Variants in GRIN2B observed in about 807,000 individuals in gnomAD.
GRIN2B encodes the protein glutamate ionotropic receptor NMDA type subunit 2B, also known as glutamate receptor ionotropic, NMDA 2B.
GRIN2B carries 5 observed loss-of-function variants against 114.5 expected under a neutral mutation model. That is an observed-to-expected ratio of 0.04 (90% CI 0.02 to 0.09). The LOEUF (loss-of-function observed/expected upper bound fraction) is 0.09. Among genes scored for constraint, GRIN2B ranks in the 10% least tolerant of loss-of-function variants. The pLI is 1.00. For synonymous variants in GRIN2B, 787 were observed against 745.1 expected, an observed-to-expected ratio of 1.06 and a Z score of -0.92; for missense variants, 1,108 against 1,943.5, an observed-to-expected ratio of 0.57 and a Z score of 8.08.
intron 2 of GRIN2B, among the ~76,000 whole-genome samples, chr12:13,906,555 G>T (rs1306917086): frequency 6.6e-6 from 1 of 152,202 alleles, no homozygotes; most frequent in African/African-American, 2.4e-5. Context: ...TGTAGGTAGT[G>T]TATGTCTCCT....
rs956121249 is a variant in GRIN2B at position 13,558,191 on chromosome 12, T to C, written c.*4592A>G. 5.9e-5 allele frequency: 9 copies of C among 152,316 alleles called. No homozygotes were observed. In the South Asian group the frequency reaches 1.0e-3, roughly 18 times the overall value. The allele number at this position is 152,316 out of a possible 1,614,324, so 9.4% of individuals were successfully genotyped here. ...GCCTACTGAGCATGTATTTCCTATA[T>C]GGCTTTGGGCTCAGAGAGCACATAA... is the stretch of plus-strand genomic sequence containing the variant. On this transcript the variant is annotated 3_prime_UTR_variant, in exon 14 of 14. Transcript: ENST00000609686.
chr12:13,907,943 T>A (rs561951718), intron 2 of GRIN2B, among the ~76,000 whole-genome samples: 1 of 152,306 alleles, frequency 6.6e-6, no homozygotes, highest in African/African-American at 2.4e-5. Flanking sequence ...CTAAGTGCCT[T>A]AATTGGAAAT....
At chr12:13,915,403 A>C (rs780345669) in intron 2 of GRIN2B, among the ~76,000 whole-genome samples, 11 of 152,186 alleles carry the variant, frequency 7.2e-5, no homozygotes, top group Non-Finnish European at 1.5e-4. Context: ...GGCCACAGGC[A>C]GGCCAAAACC....
At position 13,858,190 on chromosome 12, in the gene GRIN2B, A is replaced by G. The variant is rs1865695499; in HGVS notation, c.411+7608T>C. On this transcript the variant is annotated intron_variant, in intron 3 of 13. Coordinates refer to ENST00000609686, the MANE Select transcript of GRIN2B (RefSeq NM_000834.5). The stretch of plus-strand genomic sequence containing the variant: ...ATGAAAACATTAAATGAGATAAAAT[A>G]TATAAGATGACTAGCTCATATAAAG... Among the ~76,000 whole-genome samples, 5 of 152,252 alleles carry G rather than the reference A, an allele frequency of 3.3e-5. No homozygotes were observed. In the South Asian group the frequency reaches 8.3e-4, roughly 25 times the overall value.
At chr12:13,935,343 C>G (rs1269015043) in intron 2 of GRIN2B, among the ~76,000 whole-genome samples, 1 of 152,168 alleles carries the variant, frequency 6.6e-6, no homozygotes, top group South Asian at 2.1e-4. Context: ...CATGACCACA[C>G]CTTCTTTTGG....
In GRIN2B at chr12:13,567,059, G is replaced by A. The variant is rs1254733026; in HGVS notation, c.2564C>T (p.Ser855Phe). 2 of 1,613,938 alleles carry A rather than the reference G, an allele frequency of 1.2e-6. No homozygotes were observed. Among genetic ancestry groups the A allele is most frequent in the Admixed American group, 1.7e-5 (1 of 60,020 alleles). Residue 855 changes from serine to phenylalanine, a missense_variant, in exon 13 of 14, where the codon TCT (serine) becomes TTT (phenylalanine). Transcript: ENST00000609686. ...QFRHCFMGVC[S>F]GKPGMVFSIS... ...GGAGAAGACCATGCCAGGCTTGCCA[G>A]AACAGACACCCATAAAGCAATGTCG... is the stretch of plus-strand genomic sequence containing the variant.
At chr12:13,969,345 T>C (rs1414522454) in intron 2 of GRIN2B, among the ~76,000 whole-genome samples, 1 of 152,242 alleles carries the variant, frequency 6.6e-6, no homozygotes, top group African/African-American at 2.4e-5. Context: ...CAACTCTATA[T>C]AATTTAAAGA....
At chr12:13,602,957 C>T (rs1949182459) in intron 10 of GRIN2B, among the ~76,000 whole-genome samples, 2 of 152,136 alleles carry the variant, frequency 1.3e-5, no homozygotes, top group Non-Finnish European at 2.9e-5. Context: ...CCTGGAGAGC[C>T]CAATGGTCAA....
chr12:13,713,358 T>C (rs1950430490), intron 4 of GRIN2B, among the ~76,000 whole-genome samples: 1 of 151,882 alleles, frequency 6.6e-6, no homozygotes, highest in Non-Finnish European at 1.5e-5. Flanking sequence ...GAAAGAACAC[T>C]GACCTTAGTG....
intron 5 of GRIN2B, among the ~76,000 whole-genome samples, chr12:13,644,646 T>C (rs918977088): frequency 6.6e-6 from 1 of 152,156 alleles, no homozygotes; most frequent in African/African-American, 2.4e-5. Context: ...TAGAAGGCTG[T>C]TTTATCTATA....
Position 13,766,686 on chromosome 12 carries a change from A to C in GRIN2B, c.412-12771T>G, listed in dbSNP as rs144616841. Reference sequence around the variant, plus strand: ...AATATGACAGGACTTGTCCTTTATGAAGTCAGGCTACCCAGTTAAAAAACC... The same window carrying C: ...AATATGACAGGACTTGTCCTTTATGCAGTCAGGCTACCCAGTTAAAAAACC... On this transcript the variant is annotated intron_variant, in intron 3 of 13. Coordinates refer to ENST00000609686, the MANE Select transcript of GRIN2B (RefSeq NM_000834.5). Among the ~76,000 whole-genome samples, 338 of 152,326 alleles carry C rather than the reference A, an allele frequency of 2.2e-3. 2 individuals are homozygous for C. Among genetic ancestry groups the C allele is most frequent in the African/African-American group, 7.9e-3 (330 of 41,566 alleles).
chr12:13,681,545 G>C (rs190295642), intron 4 of GRIN2B, among the ~76,000 whole-genome samples: 68 of 152,182 alleles, frequency 4.5e-4, no homozygotes, highest in Non-Finnish European at 7.6e-4. Flanking sequence ...CTGTAACTTT[G>C]TATCATGCAT....
chr12:13,653,090 A>T (rs553712761), intron 5 of GRIN2B, among the ~76,000 whole-genome samples: 1 of 152,308 alleles, frequency 6.6e-6, no homozygotes, highest in South Asian at 2.1e-4. Flanking sequence ...GCAGTAATTC[A>T]TGCAATCAAT....
At chr12:13,636,139 T>A (rs1296940226) in intron 5 of GRIN2B, among the ~76,000 whole-genome samples, 1 of 152,210 alleles carries the variant, frequency 6.6e-6, no homozygotes, top group Non-Finnish European at 1.5e-5. Context: ...ATAAAGTGAA[T>A]GTCATGTGAC....
At position 13,617,730 on chromosome 12, in the gene GRIN2B, G is replaced by A. The variant is rs568780413; in HGVS notation, c.1126-1073C>T. ...GCAGCAATGCAAATTAGTAGAACAG[G>A]TGAGGCACCAGGAACTACAGCACCA... is the stretch of plus-strand genomic sequence containing the variant. On this transcript the variant is annotated intron_variant, in intron 5 of 13. Transcript: ENST00000609686. 1.2e-4 allele frequency among the ~76,000 whole-genome samples: 18 copies of A among 152,300 alleles called. 1 individual carries two copies. Among genetic ancestry groups the A allele is most frequent in the Middle Eastern group, 3.4e-3 (1 of 294 alleles).
chr12:13,808,752 A>AAATAT (rs1555142377), intron 3 of GRIN2B, among the ~76,000 whole-genome samples: 5 of 109,898 alleles, frequency 4.5e-5, no homozygotes, highest in African/African-American at 1.5e-4. Context: ...ATAAAAAAAA[A>AAATAT]ATATATATAT....
At chr12:13,610,092 C>T (rs1949347281) in intron 9 of GRIN2B, 1 of 152,230 alleles carries the variant, frequency 6.6e-6, no homozygotes, top group African/African-American at 2.4e-5. Context: ...CTGATAGCAT[C>T]TGCTCAGCCA....
In GRIN2B at chr12:13,873,096, T is replaced by C. The variant is rs1178108098; in HGVS notation, c.-18-6870A>G. On this transcript the variant is annotated intron_variant, in intron 2 of 13. Coordinates refer to ENST00000609686, the MANE Select transcript of GRIN2B (RefSeq NM_000834.5). ...AAACTGTGCTATGAACTAAGAAGTA[T>C]GGTTGACTCAATTCTGCAGAACAGA... 3.3e-5 allele frequency among the ~76,000 whole-genome samples: 5 copies of C among 152,236 alleles called. No individual in the cohort carries two copies. The East Asian group carries it at 9.6e-4, about 29-fold the overall frequency.
intron 3 of GRIN2B, among the ~76,000 whole-genome samples, chr12:13,815,427 C>T (rs559047140): frequency 1.9e-3 from 284 of 151,084 alleles, no homozygotes; most frequent in Non-Finnish European, 3.2e-3. Context: ...ACAAAACAAT[C>T]ACAGAGTATT....
Sources: gnomAD v4.1 joint callset for allele counts (sites outside exome capture counted in the v4.1 genomes callset) on GRCh38, gnomAD v4.1.1 for gene constraint, MANE v1.5 for transcripts, NCBI Gene and HGNC (gene_info 2026-07-23, HGNC 2026-07-21) for gene names.